The following DOCK2 variants were observed in gnomAD, a reference collection of about 807,000 sequenced individuals.
The protein encoded by DOCK2 is dedicator of cytokinesis 2.
Under a neutral mutation model 248.9 loss-of-function variants are expected in DOCK2, and 87 were observed. The observed-to-expected ratio is 0.35, with a 90% CI of 0.29 to 0.42. The LOEUF (loss-of-function observed/expected upper bound fraction) is 0.42. DOCK2 is among the 10% of genes least tolerant of loss of function. The probability of loss-of-function intolerance (pLI) is 1.00; values close to 1 mark genes in which losing one functional copy is unlikely to be tolerated. For missense variants in DOCK2, 1,747 were observed against 2,300.2 expected (o/e 0.76, Z 4.92); for synonymous variants, 805 against 821.6 (o/e 0.98, Z 0.35).
At chr5:169,905,047 A>G (rs1452260674) in intron 27 of DOCK2, among the ~76,000 whole-genome samples, 2 of 152,184 alleles carry the variant, frequency 1.3e-5, no homozygotes, top group Non-Finnish European at 2.9e-5. Flanking sequence ...TGACACTCTC[A>G]TGGGGCTGAG....
rs76227719 is a variant in DOCK2 at position 169,678,652 on chromosome 5, G to A, written c.471-3092G>A. ...CATCCTGGTGGTCTTTTGAACGGCA[G>A]GTGATTTTGCTCAAGATGCAGTGGA... On this transcript the variant is annotated intron_variant, in intron 6 of 51. Transcript: ENST00000520908. 9.1e-3 allele frequency among the ~76,000 whole-genome samples: 1,381 copies of A among 152,294 alleles called. 16 individuals are homozygous for A. Among genetic ancestry groups the A allele is most frequent in the Middle Eastern group, 0.024 (7 of 294 alleles).
chr5:169,862,804 T>C (rs961123163), intron 27 of DOCK2, among the ~76,000 whole-genome samples: 3 of 152,226 alleles, frequency 2.0e-5, no homozygotes, highest in Non-Finnish European at 4.4e-5. Flanking sequence ...GTTTGCTCAA[T>C]TAGGCTCAAT....
rs566377391 is a variant in DOCK2 at position 169,820,207 on chromosome 5, G to A, written c.2703+17001G>A. Among the ~76,000 whole-genome samples the A allele has an allele frequency of 7.2e-5, 11 of 152,350 alleles. No individual in the cohort carries two copies. In the South Asian group the frequency reaches 1.9e-3, roughly 26 times the overall value. ...GCACCTCTGGGGGCAAGGCATAGCC[G>A]AACAAAAGGCAGCAGAAACCTCTGC... On this transcript the variant is annotated intron_variant, in intron 26 of 51. Transcript: ENST00000520908.
chr5:169,834,654 C>T (rs957199092), intron 26 of DOCK2, among the ~76,000 whole-genome samples: 11 of 148,486 alleles, frequency 7.4e-5, no homozygotes, highest in Non-Finnish European at 1.0e-4. Context: ...GCTCACAGAC[C>T]ACAAGTCCTA....
rs199902117 is a variant in DOCK2, at chr5:170,069,182, G to A, written c.4690G>A (p.Asp1564Asn). Residue 1564 changes from aspartate (D) to asparagine (N), a missense_variant, in exon 46 of 52, where the codon GAC becomes AAC. By Grantham distance (23) the Asp-to-Asn change is conservative. Around this residue, in one of 4 missense-constraint regions of DOCK2, gnomAD observed 513 missense variants for 586.1 expected, o/e 0.88. Coordinates refer to ENST00000520908, the MANE Select transcript of DOCK2 (RefSeq NM_004946.3). Reference sequence around the variant, plus strand: ...TGTCAGGGACCACCCTGAGGACCAGGACAAGCTGACCCACCTCAAGGACCT... The same window carrying A: ...TGTCAGGGACCACCCTGAGGACCAGAACAAGCTGACCCACCTCAAGGACCT... ...EYVRDHPEDQ[D>N]KLTHLKDLIA... The A allele has an allele frequency of 2.1e-5, 34 of 1,614,126 alleles. No homozygotes were observed. The Admixed American group carries it at 2.8e-4, about 13-fold the overall frequency.
chr5:169,985,153 T>A (rs529938702), intron 28 of DOCK2, among the ~76,000 whole-genome samples: 1 of 152,288 alleles, frequency 6.6e-6, no homozygotes, highest in African/African-American at 2.4e-5. Context: ...TCCACCCTTC[T>A]CAGCCTCCCA....
At chr5:170,067,479 C>T (rs1757534033) in intron 44 of DOCK2, 31 bp from the exon 45 acceptor site, 1 of 1,602,152 alleles carries the variant, frequency 6.2e-7, no homozygotes, top group East Asian at 2.2e-5. Context: ...TAACTAAGGC[C>T]CTTTCTTCTT....
At chr5:170,010,610 C>T (rs184736320) in intron 32 of DOCK2, among the ~76,000 whole-genome samples, 112 of 152,252 alleles carry the variant, frequency 7.4e-4, no homozygotes, top group African/African-American at 2.6e-3. Context: ...CAAAAGAAGC[C>T]GGGAGACTGG....
chr5:170,042,052 G>A lies in DOCK2; in HGVS notation c.3796G>A (p.Gly1266Ser). Reference sequence around the variant, plus strand: ...GTGTGCATCACAGGTCATGCAGACAGGCCAGCAGCACCCCCAGACACACCG... The same window carrying A: ...GTGTGCATCACAGGTCATGCAGACAAGCCAGCAGCACCCCCAGACACACCG... The part of the protein sequence containing the change: ...EQCASQVMQT[G>S]QQHPQTHRQL... The change falls in exon 38 of 52, where the codon GGC (glycine) becomes AGC (serine). Residue 1266 changes from glycine (G) to serine (S), a missense_variant. Gly to Ser is a moderately conservative substitution (Grantham distance 56, BLOSUM62 0). This residue lies in a region of DOCK2 where 858 missense variants were observed against 1,183.5 expected (regional missense o/e 0.72). Transcript: ENST00000520908. 1 of 1,613,818 alleles carries A rather than the reference G, an allele frequency of 6.2e-7. No homozygotes were observed. The highest frequency in any genetic ancestry group is 2.2e-5 in the East Asian group (1 of 44,850).
At chr5:169,685,705 C>T (rs1394600785) in intron 8 of DOCK2, among the ~76,000 whole-genome samples, 1 of 152,172 alleles carries the variant, frequency 6.6e-6, no homozygotes, top group Non-Finnish European at 1.5e-5. Context: ...TGGAGACATG[C>T]ATGAAACTGG....
intron 22 of DOCK2, 54 bp downstream of exon 22, chr5:169,718,845 A>G: frequency 6.4e-7 from 1 of 1,557,202 alleles, no homozygotes; most frequent in South Asian, 1.2e-5. Flanking sequence ...CCTCTGGGAT[A>G]CAACAGTATT....
At chr5:169,729,379 A>ATTGT (rs1263719143) in intron 22 of DOCK2, among the ~76,000 whole-genome samples, 2 of 152,178 alleles carry the variant, frequency 1.3e-5, no homozygotes, top group Non-Finnish European at 2.9e-5. Flanking sequence ...CTTGTTATTT[A>ATTGT]TTGTGTCTTT....
chr5:169,695,638 T>A (rs1446784942), intron 9 of DOCK2, among the ~76,000 whole-genome samples, 165 bp from the exon 10 acceptor site: 2 of 152,208 alleles, frequency 1.3e-5, no homozygotes, highest in East Asian at 1.9e-4. Flanking sequence ...GTGAAATGGA[T>A]GTGAGAGCCT....
chr5:170,036,736 G>A lies in DOCK2; in HGVS notation c.3665+181G>A, dbSNP rs111664717. ...AATTCCTTTCATTCTCCCACAGTCA[G>A]CCCCATAAAACCACGTGAAATCGTC... On this transcript the variant is annotated intron_variant, in intron 36 of 51. Transcript: ENST00000520908. Among the ~76,000 whole-genome samples, 1,384 of 152,252 alleles carry A rather than the reference G, an allele frequency of 9.1e-3. 6 individuals carry two copies. Among genetic ancestry groups the A allele is most frequent in the Middle Eastern group, 0.065 (19 of 294 alleles).
Position 170,067,971 on chromosome 5 carries a change from C to T in DOCK2, c.4644+285C>T, listed in dbSNP as rs563897866. ...TATCTCACTGGGCAGATTCAGGTGG[C>T]TCTATTAAGGAAAGGCTCTGGGATG... On this transcript the variant is annotated intron_variant, in intron 45 of 51. Coordinates refer to ENST00000520908, the MANE Select transcript of DOCK2 (RefSeq NM_004946.3). Among the ~76,000 whole-genome samples the T allele has an allele frequency of 2.2e-3, 339 of 152,264 alleles. 1 individual carries two copies. The highest frequency in any genetic ancestry group is 3.4e-3 in the Middle Eastern group (1 of 294).
At chr5:169,882,906 T>C (rs1157397399) in intron 27 of DOCK2, 2 of 1,551,868 alleles carry the variant, frequency 1.3e-6, no homozygotes, top group Non-Finnish European at 1.7e-6. Flanking sequence ...TGTTACTTGA[T>C]GAAGGACAGT....
intron 26 of DOCK2, among the ~76,000 whole-genome samples, chr5:169,828,662 C>T (rs1054590436): frequency 2.0e-5 from 3 of 151,982 alleles, no homozygotes; most frequent in African/African-American, 7.3e-5. Context: ...TCAAATAACC[C>T]CTTAGTCTTT....
At chr5:169,695,018 C>T (rs1056269264) in intron 9 of DOCK2, among the ~76,000 whole-genome samples, 16 of 152,236 alleles carry the variant, frequency 1.1e-4, no homozygotes, top group African/African-American at 3.4e-4. Flanking sequence ...TAGTTGACTG[C>T]AGTTTCCTGA....
At chr5:169,978,092 T>C (rs994245031) in intron 27 of DOCK2, among the ~76,000 whole-genome samples, 2 of 152,124 alleles carry the variant, frequency 1.3e-5, no homozygotes, top group Admixed American at 1.3e-4. Flanking sequence ...TTCTATATTT[T>C]ATTTTATTTT....
Sources: allele counts gnomAD v4.1 joint callset (sites outside exome capture counted in the v4.1 genomes callset), GRCh38; gene constraint gnomAD v4.1.1; regional missense constraint gnomAD v4.1.1; transcripts MANE v1.5; gene names NCBI Gene and HGNC (gene_info 2026-07-23, HGNC 2026-07-21).